Variants in GABRE observed in about 807,000 individuals in gnomAD.
The protein encoded by GABRE is gamma-aminobutyric acid receptor subunit epsilon.
GABRE carries 20 observed loss-of-function variants against 31.0 expected under a neutral mutation model. That is an observed-to-expected ratio of 0.64 (90% CI 0.45 to 0.94). GABRE has a LOEUF of 0.94. Ranked by LOEUF, GABRE falls within the 40% of genes least tolerant of loss-of-function variation. GABRE has a pLI of 0.00. For missense variants in GABRE, 420 were observed against 410.7 expected, an observed-to-expected ratio of 1.02 and a Z score of -0.20; for synonymous variants, 155 against 150.6, an observed-to-expected ratio of 1.03 and a Z score of -0.21.
intron 4 of GABRE, among the ~76,000 whole-genome samples, chrX:151,962,217 A>T (rs1367519677): frequency 8.9e-6 from 1 of 111,739 alleles, no homozygotes; most frequent in African/African-American, 3.3e-5. Context: ...TCTGCCACAA[A>T]CTTGGTGTGT....
At chrX:151,970,451 G>T (rs762126556) in intron 1 of GABRE, 49 bp from the exon 2 acceptor site, 3 of 1,160,789 alleles carry the variant, frequency 2.6e-6, no homozygotes, top group Non-Finnish European at 3.4e-6. Context: ...CTCTGTAGGG[G>T]CCCCAGCTAG....
At chrX:151,972,237 C>T in intron 1 of GABRE, 1 of 753,732 alleles carries the variant, frequency 1.3e-6, no homozygotes, top group Non-Finnish European at 1.6e-6. Flanking sequence ...CACCATTTCT[C>T]ATGTCTGAAG....
intron 3 of GABRE, among the ~76,000 whole-genome samples, chrX:151,965,463 C>G (rs1934499890): frequency 9.0e-6 from 1 of 111,593 alleles, no homozygotes; most frequent in South Asian, 3.8e-4. Context: ...CTCCAAGCAG[C>G]TCGAACAGCA....
intron 5 of GABRE, among the ~76,000 whole-genome samples, chrX:151,960,768 C>T (rs772673409): frequency 4.5e-5 from 5 of 111,532 alleles, no homozygotes; most frequent in East Asian, 2.8e-4. Context: ...GAGAAATAGA[C>T]AGCATCGATA....
chrX:151,969,562 T>G, intron 3 of GABRE, 107 bp downstream of exon 3: 1 of 743,864 alleles, frequency 1.3e-6, no homozygotes, highest in South Asian at 6.1e-5. Context: ...AGAAAATAAA[T>G]TATTGGAGTT....
intron 6 of GABRE, 63 bp from the exon 7 acceptor site, chrX:151,955,923 C>A: frequency 9.1e-7 from 1 of 1,097,138 alleles, no homozygotes; most frequent in Non-Finnish European, 1.3e-6. Flanking sequence ...CTTAGCAGGA[C>A]GTGAACAGTA....
At chrX:151,970,438 G>A in intron 1 of GABRE, 36 bp from the exon 2 acceptor site, 1 of 1,187,442 alleles carries the variant, frequency 8.4e-7, no homozygotes, top group East Asian at 3.0e-5. Flanking sequence ...GCTCTGCCCT[G>A]CACTCTGTAG....
intron 6 of GABRE, chrX:151,956,474 T>A (rs1410036823): frequency 8.9e-6 from 1 of 112,457 alleles, no homozygotes; most frequent in African/African-American, 3.2e-5. Context: ...ATACAGACTA[T>A]CTGCACTCTG....
chrX:151,969,352 T>C (rs1193537105), intron 3 of GABRE: 1 of 179,298 alleles, frequency 5.6e-6, no homozygotes, highest in East Asian at 1.2e-4. Context: ...CTAGTAACTT[T>C]AGACTTATGT....
chrX:151,960,263 AT>A (rs1934321802), intron 5 of GABRE, among the ~76,000 whole-genome samples: 1 of 112,387 alleles, frequency 8.9e-6, no homozygotes, highest in Non-Finnish European at 1.9e-5. Context: ...TACTACTGTG[AT>A]TTTTGGAGGA....
chrX:151,974,544 T>C (rs749384271), intron 1 of GABRE, 26 bp downstream of exon 1: 7 of 1,085,859 alleles, frequency 6.4e-6, no homozygotes, highest in Non-Finnish European at 6.1e-6. Context: ...CGCGAAGGGC[T>C]CCCGGGTCCC....
At chrX:151,962,074 C>A (rs1934397051) in intron 4 of GABRE, among the ~76,000 whole-genome samples, 1 of 111,432 alleles carries the variant, frequency 9.0e-6, no homozygotes, top group African/African-American at 3.3e-5. Context: ...CTGAACAATT[C>A]CACCACTGTG....
chrX:151,970,009 T>A lies in GABRE; in HGVS notation c.274+176A>T, dbSNP rs142428312. On this transcript the variant is annotated intron_variant, in intron 2 of 8. Transcript: ENST00000370328. ...GGGCGAGAGAAGGGAAAAGTCTTGA[T>A]CAAGGTCAATGACACTGCTGAGAAT... 6.2e-4 allele frequency: 675 copies of A among 1,088,900 alleles called. 2 individuals are homozygous for A. In the African/African-American group the frequency reaches 0.011, roughly 17 times the overall value. The allele number at this position is 1,088,900 out of a possible 1,213,427, so 89.7% of individuals were successfully genotyped here. A position where few individuals can be genotyped will look rare whatever the true frequency, so the allele number is the denominator to read the frequency against.
intron 6 of GABRE, chrX:151,956,215 T>A (rs975803527): frequency 8.3e-5 from 17 of 205,271 alleles, no homozygotes; most frequent in African/African-American, 4.6e-4. Flanking sequence ...TCCAGATGGC[T>A]GACTAAGGGC....
In GABRE at chrX:151,953,245, T is replaced by C. The variant is rs1934010372; in HGVS notation, c.*1456A>G. 8.9e-6 allele frequency: 1 copy of C among 111,813 alleles called. No homozygotes were observed. The highest frequency in any genetic ancestry group is 3.3e-5 in the African/African-American group (1 of 30,703). The allele number at this position is 111,813 out of a possible 1,213,427, so 9.2% of individuals were successfully genotyped here. ...ACAGACACAGATTTCACTTAGCATA[T>C]AGAAGCATTGGGGCATGTCCAAATT... is the stretch of plus-strand genomic sequence containing the variant. On this transcript the variant is annotated 3_prime_UTR_variant, in exon 9 of 9. Coordinates refer to ENST00000370328, the MANE Select transcript of GABRE (RefSeq NM_004961.4).
chrX:151,970,168 G>A lies in GABRE; in HGVS notation c.274+17C>T, dbSNP rs377381670. 128 of 1,209,287 alleles carry A rather than the reference G, an allele frequency of 1.1e-4. No homozygotes were observed. The highest frequency in any genetic ancestry group is 8.6e-4 in the African/African-American group (49 of 57,306). Reference sequence around the variant, plus strand: ...CTGGACCCTCTAGGAGGGGAAGAACGTCGTTCTGCTCCTCACCTCCAATGC... The same window carrying A: ...CTGGACCCTCTAGGAGGGGAAGAACATCGTTCTGCTCCTCACCTCCAATGC... On this transcript the variant is annotated intron_variant, in intron 2 of 8. Coordinates refer to ENST00000370328, the MANE Select transcript of GABRE (RefSeq NM_004961.4).
At chrX:151,974,325 C>T (rs5925077) in intron 1 of GABRE, among the ~76,000 whole-genome samples, 37,607 of 110,721 alleles carry the variant, frequency 0.34, 4,631 homozygotes, top group Admixed American at 0.39. Flanking sequence ...CGTCTTCCTT[C>T]TGGCGTCCTG....
intron 5 of GABRE, 82 bp from the exon 6 acceptor site, chrX:151,960,058 C>A: frequency 1.1e-6 from 1 of 948,941 alleles, no homozygotes; most frequent in Non-Finnish European, 1.5e-6. Context: ...TCAGCCTGCA[C>A]AATGCCTTGG....
chrX:151,955,976 C>A, intron 6 of GABRE, 116 bp from the exon 7 acceptor site: 1 of 713,939 alleles, frequency 1.4e-6, no homozygotes, highest in Non-Finnish European at 2.1e-6. Flanking sequence ...AGGATAGAGG[C>A]ATGATGTGAC....
Sources: gnomAD v4.1 joint callset for allele counts (sites outside exome capture counted in the v4.1 genomes callset) on GRCh38, gnomAD v4.1.1 for gene constraint, MANE v1.5 for transcripts, NCBI Gene and HGNC (gene_info 2026-07-23, HGNC 2026-07-21) for gene names.